ZNF219: variants seen among roughly 807,000 people sequenced by gnomAD.
ZNF219 encodes zinc finger protein 219.
Under a neutral mutation model 54.4 loss-of-function variants are expected in ZNF219, and 17 were observed. The observed-to-expected ratio is 0.31, with a 90% CI of 0.21 to 0.47. ZNF219 has a LOEUF of 0.47. ZNF219 is among the 20% of genes least tolerant of loss of function. The pLI, the probability that ZNF219 is intolerant of heterozygous loss-of-function variation, is 1.00. For missense variants in ZNF219, 1,014 were observed against 1,062.3 expected (o/e 0.95, Z 0.63); for synonymous variants, 518 against 476.4 (o/e 1.09, Z -1.14).
At position 21,090,148 on chromosome 14, in the gene ZNF219, T is replaced by C. The variant is rs1888703960; in HGVS notation, c.*388A>G. 4.2e-6 allele frequency: 2 copies of C among 472,510 alleles called. No homozygotes were observed. Among genetic ancestry groups the C allele is most frequent in the East Asian group, 6.0e-5 (1 of 16,652 alleles). 29.3% of individuals were successfully genotyped at this position (472,510 alleles called of 1,614,324 possible). ...GGGATGACAGGAATCGTACCAAAAA[T>C]AGCGACGTCTACAGGGCCCCTGATG... is the stretch of plus-strand genomic sequence containing the variant. On this transcript the variant is annotated 3_prime_UTR_variant, in exon 5 of 5. Coordinates refer to ENST00000360947, the MANE Select transcript of ZNF219 (RefSeq NM_016423.3). The surrounding 1 kb of genome is among the most constrained non-coding windows in gnomAD (Gnocchi z 4.4).
intron 1 of ZNF219, chr14:21,104,236 C>T (rs1315051036): frequency 6.6e-6 from 1 of 152,276 alleles, no homozygotes; most frequent in Admixed American, 6.5e-5. Context: ...GCGCTGCCGC[C>T]ACCCTTTATC....
At chr14:21,097,278 A>G (rs1889327161) in intron 1 of ZNF219, 1 of 152,256 alleles carries the variant, frequency 6.6e-6, no homozygotes. Context: ...AACCTCAGCC[A>G]TGGACTTCAA....
intron 2 of ZNF219, 22 bp downstream of exon 2, chr14:21,093,564 T>A (rs1049845193): frequency 6.2e-7 from 1 of 1,610,502 alleles, no homozygotes; most frequent in African/African-American, 1.3e-5. Flanking sequence ...TACTTGTAGG[T>A]TGAAGCCAGA....
At chr14:21,102,213 T>C, upstream of ZNF219, 2 of 1,451,476 alleles carry the variant, frequency 1.4e-6, 1 homozygote, top group African/African-American at 2.8e-5. Context: ...AAGTGTTGAC[T>C]CATTCTCTCA....
chr14:21,104,169 C>G (rs1403093996), intron 1 of ZNF219: 1 of 152,214 alleles, frequency 6.6e-6, no homozygotes, highest in Non-Finnish European at 1.5e-5. Flanking sequence ...ACCCTGCGAC[C>G]CGCGTCTCTC....
At position 21,092,871 on chromosome 14, in the gene ZNF219, G is replaced by A. The variant is rs116749937; in HGVS notation, c.426C>T (p.Gly142=). The change falls in exon 3 of 5, where the codon GGC becomes GGT. Residue 142 remains glycine, a synonymous_variant. Coordinates refer to ENST00000360947, the MANE Select transcript of ZNF219 (RefSeq NM_016423.3). ...CCTCAGTGGCAGGGGTGGCCTGCAT[G>A]CCCCCTGAGCTTCGGGCTCTCCCCA... is the stretch of plus-strand genomic sequence containing the variant. The part of the protein sequence containing the change: ...ARLGRARSSG[G]MQATPATEGL... The A allele has an allele frequency of 3.3e-4, 513 of 1,546,054 alleles. No individual in the cohort carries two copies. The African/African-American group carries it at 6.4e-3, about 19-fold the overall frequency.
rs746708694 is a variant in ZNF219 at position 21,092,910 on chromosome 14, T to A, written c.387A>T (p.Leu129=). 6 of 1,552,680 alleles carry A rather than the reference T, an allele frequency of 3.9e-6. No homozygotes were observed. The highest frequency in any genetic ancestry group is 5.2e-6 in the Non-Finnish European group (6 of 1,150,910). Residue 129 remains leucine, a synonymous_variant, in exon 3 of 5, where the codon CTA becomes CTT. Coordinates refer to ENST00000360947, the MANE Select transcript of ZNF219 (RefSeq NM_016423.3). ...LLLELEERAL[L]REARLGRARS... ...GGGCTCTCCCCAGTCGGGCCTCGCG[T>A]AGTAGCGCGCGCTCTTCCAACTCCA...
At chr14:21,098,701 G>T, upstream of ZNF219, 3 of 1,041,838 alleles carry the variant, frequency 2.9e-6, no homozygotes, top group Non-Finnish European at 2.4e-6. Context: ...AGCGGGGGTG[G>T]GGCGCACAGA....
chr14:21,098,776 C>A, upstream of ZNF219: 2 of 1,273,242 alleles, frequency 1.6e-6, no homozygotes, highest in African/African-American at 1.5e-5. Context: ...AGCCTCCAAG[C>A]AGCACTGCCC....
At chr14:21,101,382 C>T (rs934016569), upstream of ZNF219, 4 of 1,551,550 alleles carry the variant, frequency 2.6e-6, no homozygotes, top group African/African-American at 4.1e-5. Context: ...AGGAGAGACA[C>T]AGCCTTCGTC....
chr14:21,103,171 G>A, upstream of ZNF219: 1 of 1,551,684 alleles, frequency 6.4e-7, no homozygotes, highest in South Asian at 1.2e-5. Flanking sequence ...TTCCTGGTTT[G>A]GAGAATGGTC....
Position 21,093,146 on chromosome 14 carries a change from G to A in ZNF219, c.151C>T (p.Arg51Cys), listed in dbSNP as rs1462298682. ...GMGAVSWSES[R>C]AGERRFPCPV... ...CAGGGGAAGCGCCGTTCGCCTGCAC[G>A]ACTCTCAGACCAGCTCACCGCTCCC... is the stretch of plus-strand genomic sequence containing the variant. The change falls in exon 3 of 5, where the codon CGT becomes TGT. Residue 51 changes from arginine (R) to cysteine (C), a missense_variant. Arg to Cys is a radical substitution (Grantham distance 180). Transcript: ENST00000360947. 2 of 1,610,538 alleles carry A rather than the reference G, an allele frequency of 1.2e-6. No individual in the cohort carries two copies. Among genetic ancestry groups the A allele is most frequent in the South Asian group, 2.2e-5 (2 of 90,962 alleles).
upstream of ZNF219, chr14:21,102,067 C>A (rs1228266944): frequency 1.9e-6 from 3 of 1,551,270 alleles, no homozygotes; most frequent in African/African-American, 2.7e-5. Flanking sequence ...CATTCAGGGT[C>A]TCCTCACTGG....
At chr14:21,099,062 G>A (rs1254472462), upstream of ZNF219, 1 of 295,250 alleles carries the variant, frequency 3.4e-6, no homozygotes, top group African/African-American at 2.2e-5. Flanking sequence ...CATTCCTCAA[G>A]TCACTTTAAT....
rs959873768 is a variant in ZNF219, at chr14:21,092,448, A to G, written c.849T>C (p.Phe283=). ...EFRCQVCGQS[F]TQSWFLKGHM... is the part of the protein sequence containing the mutation. ...GGCCCTTGAGAAACCAAGACTGTGTAAAGCTCTGGCCGCACACTTGGCAGC... is the reference window on the plus strand; with the variant it reads ...GGCCCTTGAGAAACCAAGACTGTGTGAAGCTCTGGCCGCACACTTGGCAGC... Residue 283 remains phenylalanine, a synonymous_variant, in exon 3 of 5, where the codon TTT becomes TTC. Coordinates refer to ENST00000360947, the MANE Select transcript of ZNF219 (RefSeq NM_016423.3). The G allele has an allele frequency of 2.6e-6, 4 of 1,560,978 alleles. No individual in the cohort carries two copies. Among genetic ancestry groups the G allele is most frequent in the African/African-American group, 1.4e-5 (1 of 73,490 alleles).
rs1472320010 is a variant in ZNF219, at chr14:21,091,868, G to C, written c.1429C>G (p.Gln477Glu). 5.2e-6 allele frequency: 8 copies of C among 1,547,042 alleles called. No homozygotes were observed. Among genetic ancestry groups the C allele is most frequent in the Non-Finnish European group, 6.9e-6 (8 of 1,152,952 alleles). Residue 477 changes from glutamine (Q) to glutamate (E), a missense_variant, in exon 3 of 5, where the codon CAG becomes GAG. Physicochemically the swap from Gln to Glu is conservative, Grantham distance 29 (BLOSUM62 2). This residue lies in a region of ZNF219 where 272 missense variants were observed against 248.9 expected (regional missense o/e 1.09). Coordinates refer to ENST00000360947, the MANE Select transcript of ZNF219 (RefSeq NM_016423.3). ...AGAQARSTAT[Q>E]EENGLLVGGT... ...AGAGCGGAGGGTACCTACATACCCT[G>C]CGTGGCGGTCGATCTTGCCTGGGCC...
chr14:21,092,264 G>T lies in ZNF219; in HGVS notation c.1033C>A (p.Gln345Lys). The change falls in exon 3 of 5, where the codon CAG becomes AAG. Residue 345 changes from glutamine (Q) to lysine (K), a missense_variant. Gln to Lys is a moderately conservative substitution (Grantham distance 53). Coordinates refer to ENST00000360947, the MANE Select transcript of ZNF219 (RefSeq NM_016423.3). ...GPASGPARAPQPPDLGLLAYE... is the reference protein window; with the variant it reads ...GPASGPARAPKPPDLGLLAYE... ...GCCAGCAGGCCGAGGTCAGGAGGCT[G>T]GGGGGCGCGGGCAGGCCCGGAGGCA... The T allele has an allele frequency of 6.8e-7, 1 of 1,478,142 alleles. No homozygotes were observed. The highest frequency in any genetic ancestry group is 8.9e-7 in the Non-Finnish European group (1 of 1,117,504). 91.6% of individuals were successfully genotyped at this position (1,478,142 alleles called of 1,614,324 possible). A position where few individuals can be genotyped will look rare whatever the true frequency, so the allele number is the denominator to read the frequency against.
chr14:21,091,800 G>A, intron 3 of ZNF219, 65 bp downstream of exon 3: 3 of 1,481,346 alleles, frequency 2.0e-6, no homozygotes, highest in Non-Finnish European at 1.8e-6. Flanking sequence ...AAGCTACGAG[G>A]GAGTGGCGGC....
rs772397205 is a variant in ZNF219, at chr14:21,091,493, G to A, written c.1482C>T (p.Gly494=). The change falls in exon 4 of 5, where the codon GGC becomes GGT. Residue 494 remains glycine (G), a synonymous_variant. Coordinates refer to ENST00000360947, the MANE Select transcript of ZNF219 (RefSeq NM_016423.3). ...VGGTRPEGGR[G]ATGKDCPFCG... is the part of the protein sequence containing the mutation. The stretch of plus-strand genomic sequence containing the variant: ...AGAAAGGACAATCCTTGCCGGTGGC[G>A]CCCCGGCCCCCTTCAGGCCGGGTCC... 9 of 1,609,474 alleles carry A rather than the reference G, an allele frequency of 5.6e-6. No homozygotes were observed. Among genetic ancestry groups the A allele is most frequent in the Non-Finnish European group, 7.6e-6 (9 of 1,176,828 alleles).
Sources: gnomAD v4.1 joint callset for allele counts on GRCh38, gnomAD v4.1.1 for gene constraint, gnomAD v4.1.1 regional missense constraint, Gnocchi (gnomAD v3.1) non-coding constraint, MANE v1.5 for transcripts, NCBI Gene and HGNC (gene_info 2026-07-23, HGNC 2026-07-21) for gene names.